The following ZFP30 variants were observed in gnomAD, a reference collection of about 807,000 sequenced individuals.
ZFP30 encodes ZFP30 zinc finger protein, also known as zinc finger protein 30 homolog.
Under a neutral mutation model 12.3 loss-of-function variants are expected in ZFP30, and 16 were observed. The observed-to-expected ratio is 1.30, with a 90% CI of 0.88 to 1.98. ZFP30 has a LOEUF of 1.98. Ranked by LOEUF, ZFP30 falls within the 30% of genes most tolerant of loss-of-function variation. ZFP30 has a pLI of 0.00. For missense variants in ZFP30, 560 were observed against 611.2 expected (o/e 0.92, Z 0.88); for synonymous variants, 172 against 201.0 (o/e 0.86, Z 1.22).
Position 37,635,961 on chromosome 19 carries a change from C to T in ZFP30, c.580G>A (p.Ala194Thr), listed in dbSNP as rs771913672. ...CTGAGGTGGGCACACTGTCTAAAGGCTTTTCCACATTCTTTACATTCATAG... is the reference window on the plus strand; with the variant it reads ...CTGAGGTGGGCACACTGTCTAAAGGTTTTTCCACATTCTTTACATTCATAG... ...KPYECKECGK[A>T]FRQCAHLSRH... Residue 194 changes from alanine to threonine, a missense_variant, in exon 6 of 6, where the codon GCC becomes ACC. Coordinates refer to ENST00000684514, the MANE Select transcript of ZFP30 (RefSeq NM_001320669.3). The T allele has an allele frequency of 1.9e-6, 3 of 1,614,138 alleles. No homozygotes were observed. The Admixed American group carries it at 5.0e-5, about 27-fold the overall frequency.
intron 3 of ZFP30, among the ~76,000 whole-genome samples, chr19:37,645,289 T>C (rs2044521056): frequency 6.6e-6 from 1 of 152,048 alleles, no homozygotes; most frequent in African/African-American, 2.4e-5. Flanking sequence ...ATGAATAGAC[T>C]AGGGCTGGAA....
At position 37,636,141 on chromosome 19, in the gene ZFP30, C is replaced by G; in HGVS notation, c.400G>C (p.Glu134Gln). 2 of 1,614,112 alleles carry G rather than the reference C, an allele frequency of 1.2e-6. No homozygotes were observed. Among genetic ancestry groups the G allele is most frequent in the Non-Finnish European group, 1.7e-6 (2 of 1,180,014 alleles). Residue 134 changes from glutamate (E) to glutamine (Q), a missense_variant, in exon 6 of 6, where the codon GAA becomes CAA. By Grantham distance (29) the Glu-to-Gln change is conservative. Transcript: ENST00000684514. ...CFRQVTKTTSEKMPTYRKLTS... is the reference protein window; with the variant it reads ...CFRQVTKTTSQKMPTYRKLTS... ...AGTTTTCTGTAAGTAGGCATTTTTT[C>G]AGAGGTGGTTTTTGTCACTTGCCTG... is the stretch of plus-strand genomic sequence containing the variant.
intron 2 of ZFP30, among the ~76,000 whole-genome samples, chr19:37,648,977 C>G (rs1193351624): frequency 6.6e-6 from 1 of 152,114 alleles, no homozygotes; most frequent in Non-Finnish European, 1.5e-5. Context: ...GTGGCTCATG[C>G]CTGTAGTCCC....
Position 37,634,752 on chromosome 19 carries a change from T to C in ZFP30, c.*229A>G. On this transcript the variant is annotated 3_prime_UTR_variant, in exon 6 of 6. Coordinates refer to ENST00000684514, the MANE Select transcript of ZFP30 (RefSeq NM_001320669.3). ...AGATCAAAAGCTTTTCCACATTCAGTCCTGTAATAAAGTTCTTTTCTAGGA... is the reference window on the plus strand; with the variant it reads ...AGATCAAAAGCTTTTCCACATTCAGCCCTGTAATAAAGTTCTTTTCTAGGA... 2 of 439,834 alleles carry C rather than the reference T, an allele frequency of 4.5e-6. No individual in the cohort carries two copies. Among genetic ancestry groups the C allele is most frequent in the East Asian group, 7.1e-5 (2 of 28,358 alleles). The allele number at this position is 439,834 out of a possible 1,614,324, so 27.2% of individuals were successfully genotyped here. A position where few individuals can be genotyped will look rare whatever the true frequency, so the allele number is the denominator to read the frequency against.
chr19:37,649,006 G>T (rs547363234), intron 2 of ZFP30, among the ~76,000 whole-genome samples: 1 of 152,304 alleles, frequency 6.6e-6, no homozygotes, highest in South Asian at 2.1e-4. Context: ...GGGAGGCCCA[G>T]ATGGGAGGAT....
intron 3 of ZFP30, among the ~76,000 whole-genome samples, 190 bp from the exon 4 acceptor site, chr19:37,644,926 G>T (rs2044511253): frequency 1.3e-5 from 2 of 151,714 alleles, no homozygotes; most frequent in Non-Finnish European, 2.9e-5. Context: ...CAAAAAAAAA[G>T]GCCGGCGCGG....
intron 2 of ZFP30, among the ~76,000 whole-genome samples, chr19:37,654,449 A>G (rs141193401): frequency 1.2e-3 from 187 of 152,358 alleles, no homozygotes; most frequent in Admixed American, 1.9e-3. Context: ...GGGTATTTCC[A>G]TATCATCAAG....
chr19:37,634,316 T>C lies in ZFP30; in HGVS notation c.*665A>G, dbSNP rs2044280076. On this transcript the variant is annotated 3_prime_UTR_variant, in exon 6 of 6. Coordinates refer to ENST00000684514, the MANE Select transcript of ZFP30 (RefSeq NM_001320669.3). The stretch of plus-strand genomic sequence containing the variant: ...TTGGCAAGATGTGTATATCTTACTG[T>C]AGCACATTAGGAGGCACGTAATTTT... The C allele has an allele frequency of 6.6e-6, 1 of 152,228 alleles. No individual in the cohort carries two copies. Among genetic ancestry groups the C allele is most frequent in the South Asian group, 2.1e-4 (1 of 4,828 alleles). The allele number at this position is 152,228 out of a possible 1,614,324, so 9.4% of individuals were successfully genotyped here. A position where few individuals can be genotyped will look rare whatever the true frequency, so the allele number is the denominator to read the frequency against.
rs1489528755 is a variant in ZFP30 at position 37,635,357 on chromosome 19, G to C, written c.1184C>G (p.Ser395Ter). 2 of 1,613,486 alleles carry C rather than the reference G, an allele frequency of 1.2e-6. No homozygotes were observed. The highest frequency in any genetic ancestry group is 2.7e-5 in the African/African-American group (2 of 74,740). ...KECQKFFRRY[S>*]ELISHQGIHI... ...AATACCCTGATGTGAAATAAGTTCT[G>C]AGTAACGACGAAAGAACTTCTGACA... The change falls in exon 6 of 6, where the codon TCA becomes TGA. Residue 395 changes from serine (S) to a stop codon, truncating the protein, a stop_gained. Transcript: ENST00000684514. LOFTEE classifies it low-confidence loss of function (END_TRUNC).
At position 37,631,159 on chromosome 19, in the gene ZFP30, T is replaced by C. The variant is rs997974688; in HGVS notation, c.*3822A>G. The C allele has an allele frequency of 1.1e-4, 16 of 152,202 alleles. No homozygotes were observed. The highest frequency in any genetic ancestry group is 2.4e-4 in the Non-Finnish European group (16 of 68,040). 9.4% of individuals were successfully genotyped at this position (152,202 alleles called of 1,614,324 possible). ...ACCACCTGACATGAGGTCCGAACTT[T>C]CCACCTTTGCTGTCACCTGTTTTGG... On this transcript the variant is annotated 3_prime_UTR_variant, in exon 6 of 6. Transcript: ENST00000684514.
rs375750428 is a variant in ZFP30 at position 37,647,868 on chromosome 19, T to C, written c.-46A>G. 9 of 1,611,950 alleles carry C rather than the reference T, an allele frequency of 5.6e-6. No individual in the cohort carries two copies. The highest frequency in any genetic ancestry group is 7.6e-6 in the Non-Finnish European group (9 of 1,178,114). On this transcript the variant is annotated 5_prime_UTR_variant, in exon 3 of 6. Coordinates refer to ENST00000684514, the MANE Select transcript of ZFP30 (RefSeq NM_001320669.3). ...TGGTCAATTTTCCTCAAGGTTCATG[T>C]ACTTCAGAAGCAGGGTCCACAGACA...
intron 2 of ZFP30, among the ~76,000 whole-genome samples, chr19:37,653,591 T>C (rs551672075): frequency 2.6e-5 from 4 of 152,326 alleles, no homozygotes; most frequent in Admixed American, 1.3e-4. Context: ...ATTCTTATTA[T>C]TGCATAACAT....
intron 4 of ZFP30, among the ~76,000 whole-genome samples, chr19:37,644,157 T>C (rs1361119417): frequency 1.3e-5 from 2 of 152,336 alleles, no homozygotes; most frequent in South Asian, 2.1e-4. Flanking sequence ...AAGAAAAATA[T>C]AACGGTCACT....
At chr19:37,644,208 A>C (rs1257394668) in intron 4 of ZFP30, among the ~76,000 whole-genome samples, 1 of 152,236 alleles carries the variant, frequency 6.6e-6, no homozygotes, top group Non-Finnish European at 1.5e-5. Context: ...AGTGGTACTT[A>C]CTGTCAAAGC....
chr19:37,640,732 A>G (rs10445548), intron 5 of ZFP30, among the ~76,000 whole-genome samples: 39,467 of 151,114 alleles, frequency 0.26, 6,294 homozygotes, highest in Non-Finnish European at 0.37. Flanking sequence ...AAATAAAATA[A>G]AATAAAATAA....
rs1057173195 is a variant in ZFP30, at chr19:37,655,430, G to T, written c.-256C>A. 1 of 152,466 alleles carries T rather than the reference G, an allele frequency of 6.6e-6. No individual in the cohort carries two copies. Among genetic ancestry groups the T allele is most frequent in the Admixed American group, 6.5e-5 (1 of 15,292 alleles). 9.4% of individuals were successfully genotyped at this position (152,466 alleles called of 1,614,324 possible). On this transcript the variant is annotated 5_prime_UTR_variant, in exon 1 of 6. Coordinates refer to ENST00000684514, the MANE Select transcript of ZFP30 (RefSeq NM_001320669.3). The stretch of plus-strand genomic sequence containing the variant: ...CAGCCCCAGCCTCACCCGACTCAGA[G>T]GATAGCCCAGCCCTGGGAGTCAGCG...
At position 37,634,788 on chromosome 19, in the gene ZFP30, A is replaced by G. The variant is rs2044286937; in HGVS notation, c.*193T>C. On this transcript the variant is annotated 3_prime_UTR_variant, in exon 6 of 6. Coordinates refer to ENST00000684514, the MANE Select transcript of ZFP30 (RefSeq NM_001320669.3). The stretch of plus-strand genomic sequence containing the variant: ...AGTTCTTTTCTAGGATGAATTTCCT[A>G]AAGTTTAACATGGTTTCAAAGGTGA... 5.3e-6 allele frequency: 3 copies of G among 569,836 alleles called. No individual in the cohort carries two copies. Among genetic ancestry groups the G allele is most frequent in the African/African-American group, 1.9e-5 (1 of 51,418 alleles). 35.3% of individuals were successfully genotyped at this position (569,836 alleles called of 1,614,324 possible). A position where few individuals can be genotyped will look rare whatever the true frequency, so the allele number is the denominator to read the frequency against.
intron 5 of ZFP30, among the ~76,000 whole-genome samples, chr19:37,640,279 T>C (rs2044408657): frequency 6.6e-6 from 1 of 152,060 alleles, no homozygotes; most frequent in African/African-American, 2.4e-5. Flanking sequence ...GGGCTAGACC[T>C]ACACTGAAAC....
At chr19:37,651,235 A>G (rs995710223) in intron 2 of ZFP30, among the ~76,000 whole-genome samples, 1 of 152,108 alleles carries the variant, frequency 6.6e-6, no homozygotes, top group Non-Finnish European at 1.5e-5. Flanking sequence ...ATTATCATTA[A>G]TTCATTTCCC....
Sources: gnomAD v4.1 joint callset for allele counts (sites outside exome capture counted in the v4.1 genomes callset) on GRCh38, gnomAD v4.1.1 for gene constraint, MANE v1.5 for transcripts, NCBI Gene and HGNC (gene_info 2026-07-23, HGNC 2026-07-21) for gene names.